Variants in DOCK7 observed in about 807,000 individuals in gnomAD.
The protein encoded by DOCK7 is dedicator of cytokinesis 7, also known as dedicator of cytokinesis protein 7.
A neutral mutation model predicts 271.0 loss-of-function variants in DOCK7; 138 were observed. The ratio of observed to expected loss-of-function variants is 0.51; its 90% CI spans 0.44 to 0.59. The LOEUF is 0.59. Ranked by LOEUF, DOCK7 falls within the 20% of genes least tolerant of loss-of-function variation. The pLI, the probability that DOCK7 is intolerant of heterozygous loss-of-function variation, is 0.00. For missense variants in DOCK7, 2,066 were observed against 2,592.4 expected, an observed-to-expected ratio of 0.80 and a Z score of 4.41; for synonymous variants, 823 against 876.1, an observed-to-expected ratio of 0.94 and a Z score of 1.07.
intron 48 of DOCK7, among the ~76,000 whole-genome samples, chr1:62,466,098 A>C (rs556847604): frequency 1.3e-5 from 2 of 152,328 alleles, no homozygotes; most frequent in African/African-American, 4.8e-5. Context: ...ACTGACAAAG[A>C]AGCAGCTTCT....
intron 37 of DOCK7, among the ~76,000 whole-genome samples, chr1:62,499,549 C>G (rs1219510140): frequency 6.6e-6 from 1 of 152,068 alleles, no homozygotes; most frequent in Non-Finnish European, 1.5e-5. Context: ...GATTTTAGAA[C>G]TAATGAGGGA....
chr1:62,525,607 T>C (rs1644983651), intron 31 of DOCK7, among the ~76,000 whole-genome samples: 1 of 152,132 alleles, frequency 6.6e-6, no homozygotes, highest in Non-Finnish European at 1.5e-5. Flanking sequence ...AGAGATCAAA[T>C]TGAGGAAGGC....
intron 14 of DOCK7, chr1:62,605,774 C>T (rs1332359469): frequency 2.0e-5 from 3 of 152,112 alleles, no homozygotes; most frequent in East Asian, 3.9e-4. Context: ...AAACAAAGAC[C>T]CAGTCCCTAA....
intron 7 of DOCK7, chr1:62,638,526 T>C (rs999316871): frequency 7.3e-4 from 109 of 149,542 alleles, no homozygotes; most frequent in African/African-American, 2.5e-3. Flanking sequence ...TATCTATATA[T>C]ATGAATATAT....
At position 62,688,331 on chromosome 1, in the gene DOCK7, G is replaced by C. The variant is rs1029992840; in HGVS notation, c.-67C>G. Reference sequence around the variant, plus strand: ...GCCGGGTGCGGACCGGCGGGCGCGTGCCTCCTCGCTCGTGCTCCCTCCCTC... The same window carrying C: ...GCCGGGTGCGGACCGGCGGGCGCGTCCCTCCTCGCTCGTGCTCCCTCCCTC... On this transcript the variant is annotated 5_prime_UTR_variant, in exon 1 of 50. Transcript: ENST00000635253. 118 of 1,076,728 alleles carry C rather than the reference G, an allele frequency of 1.1e-4. No homozygotes were observed. The African/African-American group carries it at 1.8e-3, about 16-fold the overall frequency. The allele number at this position is 1,076,728 out of a possible 1,614,324, so 66.7% of individuals were successfully genotyped here.
At chr1:62,633,053 T>C (rs1369968182) in intron 10 of DOCK7, among the ~76,000 whole-genome samples, 2 of 152,196 alleles carry the variant, frequency 1.3e-5, no homozygotes, top group Non-Finnish European at 2.9e-5. Context: ...AAGACTATTA[T>C]ATTTTTACTA....
chr1:62,548,508 C>T (rs1645787318), intron 22 of DOCK7, among the ~76,000 whole-genome samples: 1 of 151,902 alleles, frequency 6.6e-6, no homozygotes, highest in African/African-American at 2.4e-5. Flanking sequence ...ACAACCTCCG[C>T]CTCCTGGGTT....
At chr1:62,584,840 A>G (rs79214354) in intron 15 of DOCK7, 1 of 721,892 alleles carries the variant, frequency 1.4e-6, no homozygotes, top group Non-Finnish European at 2.6e-6. Context: ...AAAGAGGGAG[A>G]GGTCTAACTG....
chr1:62,457,732 T>C (rs1645388409), intron 48 of DOCK7, 27 bp from the exon 49 acceptor site: 1 of 1,605,360 alleles, frequency 6.2e-7, no homozygotes. Context: ...GTTATCAAGA[T>C]ATTACTTCTG....
intron 14 of DOCK7, chr1:62,609,403 G>A (rs1651455325): frequency 1.3e-5 from 2 of 152,084 alleles, no homozygotes; most frequent in Non-Finnish European, 2.9e-5. Flanking sequence ...AAGATGTAAG[G>A]TTGTAGCTAT....
chr1:62,647,962 A>T lies in DOCK7; in HGVS notation c.732+144T>A. On this transcript the variant is annotated intron_variant, in intron 6 of 49. Transcript: ENST00000635253. ...CTTACTCATTAAGAATAGTAAATTC[A>T]CTAGTATAAAATGTATTCATTTATA... The T allele has an allele frequency of 4.8e-6, 4 of 830,618 alleles. No homozygotes were observed. In the South Asian group the frequency reaches 7.2e-5, roughly 15 times the overall value. The allele number at this position is 830,618 out of a possible 1,614,324, so 51.5% of individuals were successfully genotyped here. A position where few individuals can be genotyped will look rare whatever the true frequency, so the allele number is the denominator to read the frequency against.
chr1:62,670,277 G>A (rs1330612261), intron 1 of DOCK7, among the ~76,000 whole-genome samples: 11 of 152,252 alleles, frequency 7.2e-5, no homozygotes, highest in African/African-American at 1.4e-4. Context: ...GAATGCGAGC[G>A]CACGGCGCAG....
At chr1:62,654,228 G>A in intron 2 of DOCK7, 69 bp from the exon 3 acceptor site, 2 of 1,399,218 alleles carry the variant, frequency 1.4e-6, no homozygotes, top group Non-Finnish European at 9.7e-7. Flanking sequence ...TAAAACTTAA[G>A]GCAAATAACA....
At chr1:62,624,291 C>T (rs1377269949) in intron 12 of DOCK7, among the ~76,000 whole-genome samples, 1 of 152,112 alleles carries the variant, frequency 6.6e-6, no homozygotes, top group Non-Finnish European at 1.5e-5. Context: ...ATGCAGTGCA[C>T]TATTTTTTCT....
rs79212402 is a variant in DOCK7, at chr1:62,541,063, C to T, written c.3046-1171G>A. ...ACCCTATGACATACTCTGGAAGATC[C>T]TTTTCTCTTTTTTGTTGTTTTGTTT... On this transcript the variant is annotated intron_variant, in intron 25 of 49. Transcript: ENST00000635253. 4.0e-4 allele frequency among the ~76,000 whole-genome samples: 61 copies of T among 152,188 alleles called. No individual in the cohort carries two copies. The East Asian group carries it at 0.01, about 25-fold the overall frequency.
At chr1:62,656,417 A>G (rs2149701007) in intron 2 of DOCK7, among the ~76,000 whole-genome samples, 1 of 152,334 alleles carries the variant, frequency 6.6e-6, no homozygotes, top group Admixed American at 6.5e-5. Context: ...AGGACTAGTA[A>G]TTAGAATATA....
At position 62,477,766 on chromosome 1, in the gene DOCK7, A is replaced by G. The variant is rs776030417; in HGVS notation, c.5568T>C (p.Asp1856=). The change falls in exon 44 of 50, where the codon GAT becomes GAC. Residue 1856 remains aspartate (D), a synonymous_variant. Coordinates refer to ENST00000635253, the MANE Select transcript of DOCK7 (RefSeq NM_001367561.1). ...GCTCCTTGTAAACAAATTCTTGTTC[A>G]TCCAAATCCCCGAACTTGGTTCCAT... ...GFYGTKFGDL[D]EQEFVYKEPA... The G allele has an allele frequency of 6.2e-7, 1 of 1,612,124 alleles. No homozygotes were observed.
chr1:62,595,484 G>A (rs537157521), intron 14 of DOCK7, among the ~76,000 whole-genome samples: 17 of 152,228 alleles, frequency 1.1e-4, no homozygotes, highest in Middle Eastern at 3.4e-3. Context: ...ATGAAATCCG[G>A]GATTCTGATT....
chr1:62,492,621 A>G (rs1646498910), intron 41 of DOCK7, 83 bp downstream of exon 41: 3 of 1,554,936 alleles, frequency 1.9e-6, no homozygotes, highest in Non-Finnish European at 2.6e-6. Flanking sequence ...AAGTAGGGTC[A>G]TAAGCCAGAG....
Sources: allele counts gnomAD v4.1 joint callset (sites outside exome capture counted in the v4.1 genomes callset), GRCh38; gene constraint gnomAD v4.1.1; transcripts MANE v1.5; gene names NCBI Gene and HGNC (gene_info 2026-07-23, HGNC 2026-07-21).